The following GALNT18 variants were observed in gnomAD, a reference collection of about 807,000 sequenced individuals.
GALNT18 encodes GalNAc-transferase 18.
A neutral mutation model predicts 69.5 loss-of-function variants in GALNT18; 44 were observed. The observed-to-expected ratio is 0.63, with a 90% confidence interval of 0.50 to 0.81. GALNT18 has a LOEUF of 0.81. GALNT18 is among the 40% of genes least tolerant of loss of function. The pLI is 0.00. For missense variants in GALNT18, 715 were observed against 810.0 expected (o/e 0.88, Z 1.42); for synonymous variants, 364 against 318.2 (o/e 1.14, Z -1.53).
rs1163946860 is a variant in GALNT18 at position 11,598,756 on chromosome 11, A to G, written c.235+22603T>C. Among the ~76,000 whole-genome samples, 1 of 152,196 alleles carries G rather than the reference A, an allele frequency of 6.6e-6. No individual in the cohort carries two copies. Among genetic ancestry groups the G allele is most frequent in the Non-Finnish European group, 1.5e-5 (1 of 68,034 alleles). ...AGTTATACATTTCCCTTTAAATACT[A>G]CTTTATCTGCATAAGTTTTGTATGT... On this transcript the variant is annotated intron_variant, in intron 1 of 10. Coordinates refer to ENST00000227756, the MANE Select transcript of GALNT18 (RefSeq NM_198516.3). This position sits in a 1 kb window ranked among gnomAD's most constrained non-coding sequence, Gnocchi z 4.8.
intron 1 of GALNT18, among the ~76,000 whole-genome samples, chr11:11,478,188 G>C (rs929496677): frequency 6.6e-6 from 1 of 152,206 alleles, no homozygotes; most frequent in African/African-American, 2.4e-5. Flanking sequence ...GATAGTATCA[G>C]ACCACAGAAG....
At chr11:11,285,436 A>C (rs1849174959) in intron 10 of GALNT18, among the ~76,000 whole-genome samples, 1 of 152,198 alleles carries the variant, frequency 6.6e-6, no homozygotes, top group African/African-American at 2.4e-5. Context: ...TTTGAGCAAT[A>C]CATTTTAAAA....
At chr11:11,456,150 T>A (rs1432037213) in intron 1 of GALNT18, among the ~76,000 whole-genome samples, 1 of 152,174 alleles carries the variant, frequency 6.6e-6, no homozygotes, top group Non-Finnish European at 1.5e-5. Flanking sequence ...ATCTTGGGTG[T>A]CTAAAAGCTT....
chr11:11,553,686 C>G (rs1031701052), intron 1 of GALNT18, among the ~76,000 whole-genome samples: 2 of 152,094 alleles, frequency 1.3e-5, no homozygotes, highest in African/African-American at 4.8e-5. Flanking sequence ...AAGCTCCCCC[C>G]CAGCACCCCC....
intron 1 of GALNT18, among the ~76,000 whole-genome samples, chr11:11,576,688 G>C (rs750937574): frequency 1.3e-5 from 2 of 152,168 alleles, no homozygotes; most frequent in Admixed American, 6.5e-5. Flanking sequence ...TGGGCTAGGG[G>C]CTGGGCCTGT....
At chr11:11,312,644 A>G (rs1278662952) in intron 9 of GALNT18, among the ~76,000 whole-genome samples, 1 of 152,210 alleles carries the variant, frequency 6.6e-6, no homozygotes, top group Non-Finnish European at 1.5e-5. Flanking sequence ...CTTAATCTTC[A>G]CAAAGCCTCT....
intron 10 of GALNT18, among the ~76,000 whole-genome samples, chr11:11,289,968 T>C (rs1029433955): frequency 2.0e-5 from 3 of 152,152 alleles, no homozygotes; most frequent in Non-Finnish European, 4.4e-5. Flanking sequence ...GGAGGCTTAC[T>C]TCAGTTCAGG....
chr11:11,618,621 A>G lies in GALNT18; in HGVS notation c.235+2738T>C, dbSNP rs767117750. ...GGTAAGAACTTAGACTTCTGAAGCC[A>G]CACTAGCTGAGCTTACATCCCTATA... On this transcript the variant is annotated intron_variant, in intron 1 of 10. Transcript: ENST00000227756. This position sits in a 1 kb window ranked among gnomAD's most constrained non-coding sequence, Gnocchi z 6.1. Among the ~76,000 whole-genome samples, 1 of 152,200 alleles carries G rather than the reference A, an allele frequency of 6.6e-6. No homozygotes were observed. Among genetic ancestry groups the G allele is most frequent in the Non-Finnish European group, 1.5e-5 (1 of 68,034 alleles).
intron 1 of GALNT18, among the ~76,000 whole-genome samples, chr11:11,609,351 C>T (rs1442401421): frequency 6.6e-6 from 1 of 152,228 alleles, no homozygotes; most frequent in Non-Finnish European, 1.5e-5. Flanking sequence ...CAGGCACACT[C>T]CTGCCACAGG....
chr11:11,575,472 G>A (rs554047963), intron 1 of GALNT18, among the ~76,000 whole-genome samples: 3 of 152,358 alleles, frequency 2.0e-5, no homozygotes, highest in Admixed American at 1.3e-4. Context: ...CTGTGAAGGA[G>A]GGTAGGCAAG....
Position 11,619,110 on chromosome 11 carries a change from T to C in GALNT18, c.235+2249A>G, listed in dbSNP as rs1433245470. ...ACTGTTGGTCATTGCTACACCATCA[T>C]GGCACAGCCAACCTGGTAACCTCTG... On this transcript the variant is annotated intron_variant, in intron 1 of 10. Transcript: ENST00000227756. The surrounding 1 kb of genome is among the most constrained non-coding windows in gnomAD (Gnocchi z 4.9). Among the ~76,000 whole-genome samples the C allele has an allele frequency of 6.6e-6, 1 of 152,160 alleles. No individual in the cohort carries two copies. Among genetic ancestry groups the C allele is most frequent in the African/African-American group, 2.4e-5 (1 of 41,444 alleles).
intron 10 of GALNT18, among the ~76,000 whole-genome samples, chr11:11,289,667 A>G (rs908340722): frequency 1.3e-5 from 2 of 152,176 alleles, no homozygotes; most frequent in African/African-American, 4.8e-5. Context: ...AGGTGTGCAC[A>G]GGAGATGAGA....
chr11:11,531,790 C>G (rs1321309451), intron 1 of GALNT18, among the ~76,000 whole-genome samples: 2 of 152,252 alleles, frequency 1.3e-5, no homozygotes, highest in Non-Finnish European at 2.9e-5. Context: ...CTCACCCTCT[C>G]TTACTTGCTC....
Position 11,382,175 on chromosome 11 carries a change from T to C in GALNT18, c.596-2911A>G, listed in dbSNP as rs545181717. Among the ~76,000 whole-genome samples the C allele has an allele frequency of 2.0e-5, 3 of 152,292 alleles. No individual in the cohort carries two copies. The highest frequency in any genetic ancestry group is 4.2e-4 in the South Asian group (2 of 4,816). On this transcript the variant is annotated intron_variant, in intron 3 of 10. Transcript: ENST00000227756. This position sits in a 1 kb window ranked among gnomAD's most constrained non-coding sequence, Gnocchi z 4.3. ...TCCCCAGTTAGTTGCATCCCAAACA[T>C]GTGCTGCTGATTAGAAGAGGGAATT... is the stretch of plus-strand genomic sequence containing the variant.
intron 1 of GALNT18, among the ~76,000 whole-genome samples, chr11:11,467,770 A>G (rs1260409965): frequency 6.6e-6 from 1 of 152,202 alleles, no homozygotes; most frequent in Non-Finnish European, 1.5e-5. Flanking sequence ...GGTTTGGGGC[A>G]TCTCTTTTGT....
chr11:11,512,205 C>G (rs1353947706), intron 1 of GALNT18, among the ~76,000 whole-genome samples: 1 of 152,174 alleles, frequency 6.6e-6, no homozygotes, highest in Non-Finnish European at 1.5e-5. Context: ...AGCCGTGTCT[C>G]CTGGGCAGGA....
rs58795517 is a variant in GALNT18 at position 11,284,908 on chromosome 11, G to GTTTTTTTTTTTTTTTTTT, written c.1677+8103_1677+8120dup. ...CTGATTTACTAGTAAAGACTTTCGT[G>GTTTTTTTTTTTTTTTTTT]TTTTTTTTTTTTTTTTTTTTTTAAC... On this transcript the variant is annotated intron_variant, in intron 10 of 10. Coordinates refer to ENST00000227756, the MANE Select transcript of GALNT18 (RefSeq NM_198516.3). Among the ~76,000 whole-genome samples, 22 of 82,820 alleles carry GTTTTTTTTTTTTTTTTTT rather than the reference G, an allele frequency of 2.7e-4. 1 individual carries two copies. Among genetic ancestry groups the GTTTTTTTTTTTTTTTTTT allele is most frequent in the African/African-American group, 1.1e-3 (18 of 16,534 alleles). 54.3% of individuals were successfully genotyped at this position (82,820 alleles called of 152,430 possible).
In GALNT18 at chr11:11,366,796, CTT is replaced by C. The variant is rs538786129; in HGVS notation, c.1092+5717_1092+5718del. ...TATTGTGTCCACACCTTCTTTGCTT[CTT>C]TCATCCCTCATGCTCTGTAGAATAG... On this transcript the variant is annotated intron_variant, in intron 6 of 10. Coordinates refer to ENST00000227756, the MANE Select transcript of GALNT18 (RefSeq NM_198516.3). 2.6e-3 allele frequency among the ~76,000 whole-genome samples: 393 copies of C among 152,308 alleles called. 1 individual carries two copies. The highest frequency in any genetic ancestry group is 8.5e-3 in the African/African-American group (353 of 41,574).
At chr11:11,328,259 G>A (rs1157816773) in intron 8 of GALNT18, among the ~76,000 whole-genome samples, 1 of 152,214 alleles carries the variant, frequency 6.6e-6, no homozygotes, top group Admixed American at 6.5e-5. Context: ...ACTCCTGTAA[G>A]AGTCTGTGGT....
Sources: gnomAD v4.1 joint callset for allele counts (sites outside exome capture counted in the v4.1 genomes callset) on GRCh38, gnomAD v4.1.1 for gene constraint, Gnocchi (gnomAD v3.1) non-coding constraint, MANE v1.5 for transcripts, NCBI Gene and HGNC (gene_info 2026-07-23, HGNC 2026-07-21) for gene names.